DOCK3: variants seen among roughly 807,000 people sequenced by gnomAD.
DOCK3 encodes the protein dedicator of cytokinesis protein 3.
DOCK3 carries 60 observed loss-of-function variants against 265.6 expected under a neutral mutation model. That is an observed-to-expected ratio of 0.23 (90% CI 0.18 to 0.28). The LOEUF is 0.28. Ranked by LOEUF, DOCK3 falls within the 10% of genes least tolerant of loss-of-function variation. The probability of loss-of-function intolerance (pLI) is 1.00; values close to 1 mark genes in which losing one functional copy is unlikely to be tolerated. For synonymous variants in DOCK3, 881 were observed against 938.0 expected, an observed-to-expected ratio of 0.94 and a Z score of 1.11; for missense variants, 1,981 against 2,594.3, an observed-to-expected ratio of 0.76 and a Z score of 5.14.
intron 2 of DOCK3, among the ~76,000 whole-genome samples, chr3:50,831,185 T>TTTTA (rs3043409): frequency 0.026 from 1,883 of 72,014 alleles, 17 homozygotes; most frequent in East Asian, 0.08. Flanking sequence ...CTGCAACCTG[T>TTTTA]TTTATTTATT....
chr3:51,098,506 T>C (rs1036755898), intron 9 of DOCK3, among the ~76,000 whole-genome samples: 5 of 152,232 alleles, frequency 3.3e-5, no homozygotes, highest in Non-Finnish European at 7.3e-5. Flanking sequence ...ATAATCTGCC[T>C]CTGTGAAAAT....
At chr3:51,084,062 A>G (rs1352636106) in intron 7 of DOCK3, among the ~76,000 whole-genome samples, 1 of 152,172 alleles carries the variant, frequency 6.6e-6, no homozygotes, top group Non-Finnish European at 1.5e-5. Flanking sequence ...AAAAGAAAAA[A>G]GAGTAAAGAA....
intron 12 of DOCK3, among the ~76,000 whole-genome samples, chr3:51,206,487 G>A (rs186901473): frequency 6.6e-6 from 1 of 152,132 alleles, no homozygotes; most frequent in Admixed American, 6.5e-5. Context: ...GTCTAAGGTA[G>A]GGATGTTGAG....
In DOCK3 at chr3:50,992,437, A is replaced by G. The variant is rs140535840; in HGVS notation, c.315+58360A>G. On this transcript the variant is annotated intron_variant, in intron 5 of 52. Coordinates refer to ENST00000266037, the MANE Select transcript of DOCK3 (RefSeq NM_004947.5). ...CTCAGCCTCCTGAGTAGCTGGGACT[A>G]CAGGCACGTGCCACCATGTCTGGCT... Among the ~76,000 whole-genome samples, 160 of 152,286 alleles carry G rather than the reference A, an allele frequency of 1.1e-3. 2 individuals are homozygous for G. In the East Asian group the frequency reaches 0.03, roughly 29 times the overall value.
At chr3:50,713,969 T>C (rs1307162019) in intron 1 of DOCK3, among the ~76,000 whole-genome samples, 1 of 152,098 alleles carries the variant, frequency 6.6e-6, no homozygotes, top group Non-Finnish European at 1.5e-5. Context: ...TCAGGTTTTT[T>C]ATTTTTATTT....
chr3:50,755,898 G>A (rs2040132200), intron 1 of DOCK3, among the ~76,000 whole-genome samples: 1 of 152,156 alleles, frequency 6.6e-6, no homozygotes, highest in Non-Finnish European at 1.5e-5. Context: ...TCTGCTGAGG[G>A]GCAGAAGTAG....
chr3:51,332,902 C>A (rs763550861), intron 33 of DOCK3, 99 bp from the exon 34 acceptor site: 48 of 1,517,182 alleles, frequency 3.2e-5, no homozygotes, highest in Non-Finnish European at 4.3e-5. Context: ...ACCTCAGTGG[C>A]ATCCTTAGGA....
At chr3:51,358,155 G>A (rs934951088) in intron 46 of DOCK3, 78 bp downstream of exon 46, 63 of 1,443,796 alleles carry the variant, frequency 4.4e-5, no homozygotes, top group Admixed American at 7.1e-5. Context: ...CAAACCAAAG[G>A]AAAATAGGAG....
chr3:51,230,816 A>G (rs1221982319), intron 19 of DOCK3, among the ~76,000 whole-genome samples: 2 of 152,022 alleles, frequency 1.3e-5, no homozygotes, highest in Non-Finnish European at 1.5e-5. Flanking sequence ...CGCCCGACCT[A>G]TGTACCACAT....
intron 3 of DOCK3, among the ~76,000 whole-genome samples, chr3:50,851,716 C>A (rs956915768): frequency 6.6e-6 from 1 of 152,182 alleles, no homozygotes; most frequent in African/African-American, 2.4e-5. Context: ...TAGCAGTTCT[C>A]CCACCACAGG....
chr3:50,753,755 A>G (rs962700048), intron 1 of DOCK3, among the ~76,000 whole-genome samples: 1 of 152,114 alleles, frequency 6.6e-6, no homozygotes, highest in Non-Finnish European at 1.5e-5. Context: ...GCCACTTACT[A>G]TGTTATTATA....
chr3:51,063,514 C>T (rs1435548868), intron 5 of DOCK3, among the ~76,000 whole-genome samples: 1 of 152,128 alleles, frequency 6.6e-6, no homozygotes, highest in Non-Finnish European at 1.5e-5. Context: ...TTGACTTGAG[C>T]TTATTTTGGC....
At chr3:51,050,630 C>T (rs566580149) in intron 5 of DOCK3, among the ~76,000 whole-genome samples, 1 of 152,268 alleles carries the variant, frequency 6.6e-6, no homozygotes, top group South Asian at 2.1e-4. Context: ...TGAGTCAGAA[C>T]CTGAGAACTG....
intron 5 of DOCK3, among the ~76,000 whole-genome samples, chr3:51,013,691 C>G (rs2079040318): frequency 6.6e-6 from 1 of 152,164 alleles, no homozygotes; most frequent in Non-Finnish European, 1.5e-5. Flanking sequence ...GGGAGAACCA[C>G]TGCTCTCTTC....
intron 4 of DOCK3, 65 bp from the exon 5 acceptor site, chr3:50,933,916 A>G (rs2051214206): frequency 1.9e-6 from 2 of 1,054,518 alleles, no homozygotes; most frequent in Non-Finnish European, 2.7e-6. Context: ...AGAAAAAGAC[A>G]GGAGACAGTT....
intron 51 of DOCK3, chr3:51,379,604 C>T: frequency 1.0e-6 from 1 of 985,496 alleles, no homozygotes; most frequent in Non-Finnish European, 1.2e-6. Flanking sequence ...CCCCGATAGT[C>T]CCTGGTCTCA....
chr3:51,247,648 G>A (rs565215573), intron 22 of DOCK3, among the ~76,000 whole-genome samples: 35 of 152,258 alleles, frequency 2.3e-4, no homozygotes, highest in Non-Finnish European at 4.4e-4. Context: ...TTTGCATTTA[G>A]TCTTCCTCTT....
intron 5 of DOCK3, among the ~76,000 whole-genome samples, chr3:50,983,962 CT>C (rs2077798415): frequency 6.6e-6 from 1 of 152,162 alleles, no homozygotes; most frequent in Non-Finnish European, 1.5e-5. Flanking sequence ...CTGGTGCCAG[CT>C]TTGGAAGCTG....
intron 27 of DOCK3, among the ~76,000 whole-genome samples, chr3:51,305,187 A>G (rs1204730114): frequency 6.6e-6 from 1 of 152,072 alleles, no homozygotes; most frequent in Non-Finnish European, 1.5e-5. Flanking sequence ...TGAATTGTCT[A>G]CTATTACTTT....
Sources: allele counts gnomAD v4.1 joint callset (sites outside exome capture counted in the v4.1 genomes callset), GRCh38; gene constraint gnomAD v4.1.1; transcripts MANE v1.5; gene names NCBI Gene and HGNC (gene_info 2026-07-23, HGNC 2026-07-21).